The following CLIC4 variants were observed in gnomAD, a reference collection of about 807,000 sequenced individuals.
CLIC4 encodes the protein chloride intracellular channel protein 4.
A neutral mutation model predicts 24.6 loss-of-function variants in CLIC4; 13 were observed. That is an observed-to-expected ratio of 0.53 (90% CI 0.34 to 0.84). CLIC4 has a LOEUF of 0.84. CLIC4 is among the 40% of genes least tolerant of loss of function. CLIC4 has a pLI of 0.01. For synonymous variants in CLIC4, 104 were observed against 111.3 expected, an observed-to-expected ratio of 0.93 and a Z score of 0.41; for missense variants, 227 against 301.7, an observed-to-expected ratio of 0.75 and a Z score of 1.83.
At chr1:24,754,630 A>G (rs923890769) in intron 1 of CLIC4, among the ~76,000 whole-genome samples, 4 of 152,166 alleles carry the variant, frequency 2.6e-5, no homozygotes, top group African/African-American at 9.7e-5. Context: ...ATGGTTACCT[A>G]TTGTCCAAGG....
chr1:24,805,630 C>G (rs569057845), intron 2 of CLIC4, among the ~76,000 whole-genome samples: 5 of 151,988 alleles, frequency 3.3e-5, no homozygotes, highest in Non-Finnish European at 5.9e-5. Context: ...AAAGATAAGG[C>G]CTACATACCT....
chr1:24,818,193 C>T (rs140047985), intron 3 of CLIC4, among the ~76,000 whole-genome samples: 61 of 152,226 alleles, frequency 4.0e-4, no homozygotes, highest in Middle Eastern at 6.8e-3. Context: ...TTGTAAAAAA[C>T]GTAATATCTG....
chr1:24,802,733 A>G (rs1639505038), intron 2 of CLIC4, among the ~76,000 whole-genome samples: 1 of 142,080 alleles, frequency 7.0e-6, no homozygotes. Context: ...TTTTTGAGAC[A>G]CGGTCTGCCT....
intron 1 of CLIC4, among the ~76,000 whole-genome samples, chr1:24,793,819 C>G (rs1639367453): frequency 6.6e-6 from 1 of 151,936 alleles, no homozygotes; most frequent in South Asian, 2.1e-4. Flanking sequence ...TTTAAACTCC[C>G]TTTACCTCTC....
At chr1:24,792,326 G>T (rs1340609429) in intron 1 of CLIC4, among the ~76,000 whole-genome samples, 1 of 151,832 alleles carries the variant, frequency 6.6e-6, no homozygotes, top group Non-Finnish European at 1.5e-5. Flanking sequence ...GAATAACTGG[G>T]ACTATAGGAG....
intron 1 of CLIC4, among the ~76,000 whole-genome samples, chr1:24,774,151 T>C (rs1571237030): frequency 6.6e-6 from 1 of 151,988 alleles, no homozygotes; most frequent in Non-Finnish European, 1.5e-5. Context: ...TTCTTTTGTA[T>C]TTTTAGTAGA....
intron 1 of CLIC4, among the ~76,000 whole-genome samples, chr1:24,788,893 C>T (rs1639302872): frequency 6.6e-6 from 1 of 152,204 alleles, no homozygotes; most frequent in Non-Finnish European, 1.5e-5. Context: ...AACAAGACCA[C>T]AAACTTTTAG....
chr1:24,826,890 G>T (rs1639791649), intron 3 of CLIC4, 120 bp from the exon 4 acceptor site: 2 of 605,006 alleles, frequency 3.3e-6, no homozygotes, highest in African/African-American at 3.8e-5. Flanking sequence ...ACAAATGATG[G>T]TATTTCTTAT....
rs1639953207 is a variant in CLIC4 at position 24,842,419 on chromosome 1, A to G, written c.*1482A>G. On this transcript the variant is annotated 3_prime_UTR_variant, in exon 6 of 6. Coordinates refer to ENST00000374379, the MANE Select transcript of CLIC4 (RefSeq NM_013943.3). ...GGTAATTTTTTTATACCTAATTTGT[A>G]TAGGAAGTGCTATTTCTCATAGGCT... is the stretch of plus-strand genomic sequence containing the variant. 1 of 152,174 alleles carries G rather than the reference A, an allele frequency of 6.6e-6. No homozygotes were observed. Among genetic ancestry groups the G allele is most frequent in the African/African-American group, 2.4e-5 (1 of 41,448 alleles). The allele number at this position is 152,174 out of a possible 1,614,324, so 9.4% of individuals were successfully genotyped here.
chr1:24,826,631 A>T (rs897262340), intron 3 of CLIC4, among the ~76,000 whole-genome samples: 1 of 152,228 alleles, frequency 6.6e-6, no homozygotes, highest in Non-Finnish European at 1.5e-5. Context: ...GACAATGAAG[A>T]TAGAGAACAT....
chr1:24,756,247 C>T (rs1638848408), intron 1 of CLIC4, among the ~76,000 whole-genome samples: 1 of 152,166 alleles, frequency 6.6e-6, no homozygotes, highest in African/African-American at 2.4e-5. Context: ...GATCCGCCCG[C>T]CTCGGCCTCC....
chr1:24,831,728 T>C (rs916130310), intron 4 of CLIC4, among the ~76,000 whole-genome samples: 4 of 152,226 alleles, frequency 2.6e-5, no homozygotes, highest in African/African-American at 9.6e-5. Flanking sequence ...AACCTCCACC[T>C]CCCGGGTTCA....
intron 1 of CLIC4, among the ~76,000 whole-genome samples, chr1:24,774,439 G>A (rs758570643): frequency 3.3e-5 from 5 of 152,158 alleles, no homozygotes; most frequent in Non-Finnish European, 5.9e-5. Context: ...AGATGGTTTT[G>A]TTGGAAATAG....
intron 1 of CLIC4, among the ~76,000 whole-genome samples, chr1:24,780,725 G>A (rs374969998): frequency 2.0e-5 from 3 of 152,172 alleles, no homozygotes; most frequent in African/African-American, 4.8e-5. Context: ...TTACTGAATC[G>A]GAATCTGTAT....
chr1:24,813,046 C>CTTT (rs1381555303), intron 2 of CLIC4, among the ~76,000 whole-genome samples: 13 of 102,942 alleles, frequency 1.3e-4, no homozygotes, highest in African/African-American at 4.0e-4. Context: ...TTCTTTCTTT[C>CTTT]TTTTTTTTTT....
chr1:24,798,800 C>T (rs925451580), intron 2 of CLIC4, among the ~76,000 whole-genome samples: 2 of 151,250 alleles, frequency 1.3e-5, no homozygotes, highest in African/African-American at 4.8e-5. Flanking sequence ...CGATTGCAGG[C>T]ACGCGCCGCC....
intron 2 of CLIC4, 126 bp from the exon 3 acceptor site, chr1:24,813,968 C>A: frequency 2.8e-6 from 3 of 1,058,870 alleles, no homozygotes; most frequent in East Asian, 2.5e-5. Context: ...TGTCCCACCT[C>A]AGCCTCCTGT....
chr1:24,765,875 C>T (rs1227648311), intron 1 of CLIC4, among the ~76,000 whole-genome samples: 1 of 150,802 alleles, frequency 6.6e-6, no homozygotes, highest in African/African-American at 2.4e-5. Context: ...GCAGTGACGC[C>T]ATCTTGGCTT....
intron 3 of CLIC4, among the ~76,000 whole-genome samples, chr1:24,820,067 GTATATATATATGTATATA>G (rs1406950807): frequency 1.1e-4 from 4 of 36,484 alleles, no homozygotes; most frequent in Admixed American, 4.7e-4. Flanking sequence ...AAAAAAGTAT[GTATATATATATGTATATA>G]TATATATATA....
Sources: allele counts gnomAD v4.1 joint callset (sites outside exome capture counted in the v4.1 genomes callset), GRCh38; gene constraint gnomAD v4.1.1; transcripts MANE v1.5; gene names NCBI Gene and HGNC (gene_info 2026-07-23, HGNC 2026-07-21).